IVNS1ABP: variants seen among roughly 807,000 people sequenced by gnomAD.
The protein encoded by IVNS1ABP is influenza virus NS1A binding protein.
IVNS1ABP carries 25 observed loss-of-function variants against 78.9 expected under a neutral mutation model. That is an observed-to-expected ratio of 0.32 (90% confidence interval 0.23 to 0.44). The LOEUF (loss-of-function observed/expected upper bound fraction) is 0.44, where lower values mean the gene tolerates loss of function less well. Ranked by LOEUF, IVNS1ABP falls within the 20% of genes least tolerant of loss-of-function variation. IVNS1ABP has a pLI of 1.00. For missense variants in IVNS1ABP, 494 were observed against 768.9 expected (o/e 0.64, Z 4.23); for synonymous variants, 241 against 259.7 (o/e 0.93, Z 0.69).
intron 8 of IVNS1ABP, among the ~76,000 whole-genome samples, chr1:185,302,298 CTTTACACATGTGTTCTCATGTATGAGT>C (rs1400386482): frequency 6.6e-6 from 1 of 152,122 alleles, no homozygotes; most frequent in Non-Finnish European, 1.5e-5. Flanking sequence ...AAGAGAACTA[CTTTACACATGTGTTCTCATGTATGAGT>C]TTTCCTTGAT....
chr1:185,315,329 C>T (rs1490598843), intron 1 of IVNS1ABP, among the ~76,000 whole-genome samples: 2 of 152,080 alleles, frequency 1.3e-5, no homozygotes, highest in African/African-American at 4.8e-5. Context: ...AAGCAAGTAG[C>T]CAAAAAGACA....
At chr1:185,309,637 A>C in intron 2 of IVNS1ABP, 126 bp from the exon 3 acceptor site, 1 of 601,384 alleles carries the variant, frequency 1.7e-6, no homozygotes, top group Non-Finnish European at 3.0e-6. Context: ...TAAAAATTTC[A>C]TCACACAAAA....
In IVNS1ABP at chr1:185,305,693, T is replaced by C. The variant is rs1187428528; in HGVS notation, c.658-50A>G. The C allele has an allele frequency of 1.9e-6, 3 of 1,604,824 alleles. No homozygotes were observed. The South Asian group carries it at 3.3e-5, about 18-fold the overall frequency. On this transcript the variant is annotated intron_variant, in intron 7 of 14. Transcript: ENST00000367498. The surrounding 1 kb of genome is among the most constrained non-coding windows in gnomAD (Gnocchi z 4.0). ...ATGTGGCTACGGTCACCATGGCTAC[T>C]CCACTAGTATGCAGATTACACAAAC...
At position 185,300,331 on chromosome 1, in the gene IVNS1ABP, CAT is replaced by C; in HGVS notation, c.1253_1254del (p.Tyr418CysfsTer11). The C allele has an allele frequency of 1.2e-6, 2 of 1,613,542 alleles. No individual in the cohort carries two copies. The highest frequency in any genetic ancestry group is 1.7e-6 in the Non-Finnish European group (2 of 1,179,752). Reference protein sequence around the residue: ...FQMAVLMGQLYVVGGSNGHSD... With the variant: ...FQMAVLMGQLXVVGGSNGHSD... ...GAGTGGCCATTTGATCCACCTACCA[CAT>C]AGAGCTGGCCCTATGCCAAAAGTGA... On this transcript the variant is annotated frameshift_variant, in exon 12 of 15. Coordinates refer to ENST00000367498, the MANE Select transcript of IVNS1ABP (RefSeq NM_006469.5). LOFTEE classifies it high-confidence loss of function.
intron 2 of IVNS1ABP, 95 bp downstream of exon 2, chr1:185,311,000 T>TA (rs1318978407): frequency 7.1e-6 from 2 of 280,460 alleles, no homozygotes; most frequent in East Asian, 1.1e-4. Flanking sequence ...TCTCTGCCTT[T>TA]AAAAAAAGAG....
At position 185,298,083 on chromosome 1, in the gene IVNS1ABP, G is replaced by A; in HGVS notation, c.1881C>T (p.Asn627=). The A allele has an allele frequency of 6.2e-7, 1 of 1,613,614 alleles. No homozygotes were observed. Residue 627 remains asparagine (N), a synonymous_variant, in exon 15 of 15, where the codon AAC becomes AAT. Transcript: ENST00000367498. This position sits in a 1 kb window ranked among gnomAD's most constrained non-coding sequence, Gnocchi z 4.1. ...NEFLNTVEVY[N]LESNEWSPYT... Reference sequence around the variant, plus strand: ...AGGGGCTCCATTCATTTGACTCAAGGTTATAGACTTCCACCGTATTCAGAA... The same window carrying A: ...AGGGGCTCCATTCATTTGACTCAAGATTATAGACTTCCACCGTATTCAGAA...
intron 10 of IVNS1ABP, 156 bp from the exon 11 acceptor site, chr1:185,300,714 GC>G: frequency 1.3e-6 from 1 of 787,914 alleles, no homozygotes; most frequent in African/African-American, 1.7e-5. Context: ...GCTTGTAATA[GC>G]TGAAAAATCG....
Position 185,296,454 on chromosome 1 carries a change from A to G in IVNS1ABP, c.*1581T>C, listed in dbSNP as rs1440718807. The G allele has an allele frequency of 6.6e-6, 1 of 152,160 alleles. No homozygotes were observed. The highest frequency in any genetic ancestry group is 2.4e-5 in the African/African-American group (1 of 41,452). 9.4% of individuals were successfully genotyped at this position (152,160 alleles called of 1,614,324 possible). On this transcript the variant is annotated 3_prime_UTR_variant, in exon 15 of 15. Coordinates refer to ENST00000367498, the MANE Select transcript of IVNS1ABP (RefSeq NM_006469.5). ...CTGAATAGAACACATACAGATCCAT[A>G]TTAAAAACAGTCATCATATTAGGCA...
intron 10 of IVNS1ABP, 187 bp downstream of exon 10, chr1:185,300,785 G>T: frequency 1.5e-6 from 1 of 682,948 alleles, no homozygotes; most frequent in Non-Finnish European, 2.4e-6. Context: ...ATTTAGCCAT[G>T]ACATAATTTT....
intron 7 of IVNS1ABP, chr1:185,306,121 G>A (rs1012099450): frequency 1.1e-5 from 2 of 176,450 alleles, no homozygotes; most frequent in African/African-American, 4.8e-5. Flanking sequence ...GCAAGCTGTA[G>A]AGTCATCTCC....
rs1206090628 is a variant in IVNS1ABP, at chr1:185,296,955, A to G, written c.*1080T>C. ...TGTGTTTAAATCAGCAGCAAGCATT[A>G]GGACATGCTATTTTGGCCCCATAAG... On this transcript the variant is annotated 3_prime_UTR_variant, in exon 15 of 15. Transcript: ENST00000367498. 1.3e-5 allele frequency: 2 copies of G among 152,172 alleles called. No homozygotes were observed. Among genetic ancestry groups the G allele is most frequent in the Admixed American group, 1.3e-4 (2 of 15,260 alleles). The allele number at this position is 152,172 out of a possible 1,614,324, so 9.4% of individuals were successfully genotyped here.
intron 6 of IVNS1ABP, 30 bp from the exon 7 acceptor site, chr1:185,307,169 C>A (rs1386123734): frequency 1.2e-6 from 2 of 1,608,204 alleles, no homozygotes; most frequent in South Asian, 2.2e-5. Flanking sequence ...TGACATGGAT[C>A]AGTGTTGGGC....
Position 185,297,805 on chromosome 1 carries a change from A to AT in IVNS1ABP, c.*229_*230insA. ...ATTCTTGGTTTATTCTTTTCCAAAA[A>AT]GTAAAATAACCAAAGTCTTAAAAGT... On this transcript the variant is annotated 3_prime_UTR_variant, in exon 15 of 15. Coordinates refer to ENST00000367498, the MANE Select transcript of IVNS1ABP (RefSeq NM_006469.5). The AT allele has an allele frequency of 1.9e-6, 1 of 513,752 alleles. No individual in the cohort carries two copies. The highest frequency in any genetic ancestry group is 3.1e-5 in the South Asian group (1 of 32,734). The allele number at this position is 513,752 out of a possible 1,614,324, so 31.8% of individuals were successfully genotyped here.
In IVNS1ABP at chr1:185,298,038, A is replaced by C. The variant is rs1665465742; in HGVS notation, c.1926T>G (p.Phe642Leu). The C allele has an allele frequency of 3.7e-6, 6 of 1,612,886 alleles. No homozygotes were observed. The highest frequency in any genetic ancestry group is 5.1e-6 in the Non-Finnish European group (6 of 1,179,406). ...GTTTGAGAGGGTCTTAAATTTGTTA[A>C]AACTGGAAAATCTTTGTATAGGGGC... ...EWSPYTKIFQ[F>L] Residue 642 changes from phenylalanine to leucine, a missense_variant, in exon 15 of 15, where the codon TTT (phenylalanine) becomes TTG (leucine). By Grantham distance (22) the Phe-to-Leu change is conservative (BLOSUM62 0). Coordinates refer to ENST00000367498, the MANE Select transcript of IVNS1ABP (RefSeq NM_006469.5). This position sits in a 1 kb window ranked among gnomAD's most constrained non-coding sequence, Gnocchi z 4.1.
In IVNS1ABP at chr1:185,298,080, A is replaced by C. The variant is rs1374013961; in HGVS notation, c.1884T>G (p.Leu628=). 6.2e-7 allele frequency: 1 copy of C among 1,613,516 alleles called. No individual in the cohort carries two copies. The highest frequency in any genetic ancestry group is 8.5e-7 in the Non-Finnish European group (1 of 1,179,722). Reference sequence around the variant, plus strand: ...TATAGGGGCTCCATTCATTTGACTCAAGGTTATAGACTTCCACCGTATTCA... The same window carrying C: ...TATAGGGGCTCCATTCATTTGACTCCAGGTTATAGACTTCCACCGTATTCA... The part of the protein sequence containing the change: ...EFLNTVEVYN[L]ESNEWSPYTK... The change falls in exon 15 of 15, where the codon CTT becomes CTG. Residue 628 remains leucine, a synonymous_variant. Coordinates refer to ENST00000367498, the MANE Select transcript of IVNS1ABP (RefSeq NM_006469.5). This position sits in a 1 kb window ranked among gnomAD's most constrained non-coding sequence, Gnocchi z 4.1.
At chr1:185,304,215 T>C (rs1396194932) in intron 8 of IVNS1ABP, among the ~76,000 whole-genome samples, 1 of 152,084 alleles carries the variant, frequency 6.6e-6, no homozygotes. Context: ...TGCCCACTCT[T>C]AGAAGGTCCT....
Position 185,307,034 on chromosome 1 carries a change from G to C in IVNS1ABP, c.637C>G (p.Leu213Val), listed in dbSNP as rs1254593483. The change falls in exon 7 of 15, where the codon CTG becomes GTG. Residue 213 changes from leucine to valine, a missense_variant. By Grantham distance (32) the Leu-to-Val change is conservative. Coordinates refer to ENST00000367498, the MANE Select transcript of IVNS1ABP (RefSeq NM_006469.5). Reference protein sequence around the residue: ...QRSIWENGDSLEELMEEVQTL... With the variant: ...QRSIWENGDSVEELMEEVQTL... ...CTAACCTCTTCCATCAGCTCTTCCA[G>C]ACTGTCTCCATTCTCCCAGATGCTA... is the stretch of plus-strand genomic sequence containing the variant. 1 of 1,613,360 alleles carries C rather than the reference G, an allele frequency of 6.2e-7. No individual in the cohort carries two copies. The highest frequency in any genetic ancestry group is 8.5e-7 in the Non-Finnish European group (1 of 1,179,436).
intron 2 of IVNS1ABP, 101 bp from the exon 3 acceptor site, chr1:185,309,612 C>A: frequency 1.5e-6 from 1 of 658,514 alleles, no homozygotes; most frequent in South Asian, 1.8e-5. Context: ...CAAATTCCAT[C>A]CTATAAACAA....
At chr1:185,310,896 G>A (rs543287615) in intron 2 of IVNS1ABP, among the ~76,000 whole-genome samples, 199 bp downstream of exon 2, 1 of 151,218 alleles carries the variant, frequency 6.6e-6, no homozygotes, top group East Asian at 1.9e-4. Context: ...AAAAAAGGCA[G>A]TAAGAAATTT....
Sources: gnomAD v4.1 joint callset for allele counts (sites outside exome capture counted in the v4.1 genomes callset) on GRCh38, gnomAD v4.1.1 for gene constraint, Gnocchi (gnomAD v3.1) non-coding constraint, MANE v1.5 for transcripts, NCBI Gene and HGNC (gene_info 2026-07-23, HGNC 2026-07-21) for gene names.